The following LPIN1 variants were observed in gnomAD, a reference collection of about 807,000 sequenced individuals.
LPIN1 encodes lipin 1.
A neutral mutation model predicts 107.5 loss-of-function variants in LPIN1; 71 were observed. The observed-to-expected ratio is 0.66, with a 90% CI of 0.55 to 0.80. LPIN1 has a LOEUF of 0.80. Among genes scored for constraint, LPIN1 ranks in the 30% least tolerant of loss-of-function variants. The probability of loss-of-function intolerance (pLI) is 0.00; values close to 1 mark genes in which losing one functional copy is unlikely to be tolerated. For synonymous variants in LPIN1, 445 were observed against 452.6 expected, an observed-to-expected ratio of 0.98 and a Z score of 0.21; for missense variants, 1,043 against 1,160.6, an observed-to-expected ratio of 0.90 and a Z score of 1.47.
chr2:11,693,803 TATATATATATATATATA>T (rs1662404413), intron 1 of LPIN1, among the ~76,000 whole-genome samples: 1 of 22,894 alleles, frequency 4.4e-5, no homozygotes, highest in East Asian at 1.2e-3. Context: ...TATATATATA[TATATATATATATATATA>T]TATTTTTTTT....
rs150914255 is a variant in LPIN1 at position 11,765,264 on chromosome 2, G to C, written c.-9-269G>C. Among the ~76,000 whole-genome samples, 690 of 151,896 alleles carry C rather than the reference G, an allele frequency of 4.5e-3. 6 individuals are homozygous for C. Among genetic ancestry groups the C allele is most frequent in the African/African-American group, 0.016 (646 of 41,326 alleles). ...GCCCTGATGGACCCTGATGGACCCT[G>C]ATGGGCCGTGATGGACCCTGATGGG... On this transcript the variant is annotated intron_variant, in intron 1 of 20. Coordinates refer to ENST00000674199, the MANE Select transcript of LPIN1 (RefSeq NM_001349206.2). The surrounding 1 kb of genome is among the most constrained non-coding windows in gnomAD (Gnocchi z 4.4).
intron 1 of LPIN1, among the ~76,000 whole-genome samples, chr2:11,748,042 G>A (rs1667226849): frequency 6.6e-6 from 1 of 152,216 alleles, no homozygotes; most frequent in Admixed American, 6.5e-5. Context: ...AAAAGCACAG[G>A]GGGACAAGGG....
At chr2:11,709,329 C>T (rs779013304) in intron 1 of LPIN1, among the ~76,000 whole-genome samples, 7 of 152,190 alleles carry the variant, frequency 4.6e-5, no homozygotes, top group Non-Finnish European at 8.8e-5. Context: ...CCCTTAGAAA[C>T]CACTGAGTGT....
At chr2:11,753,099 G>A (rs540277276) in intron 1 of LPIN1, among the ~76,000 whole-genome samples, 4 of 152,058 alleles carry the variant, frequency 2.6e-5, no homozygotes, top group Non-Finnish European at 4.4e-5. Flanking sequence ...GGCAAGGAGG[G>A]GGATGAGCAG....
chr2:11,795,607 C>T (rs545044507), intron 14 of LPIN1, 120 bp downstream of exon 14: 101 of 934,638 alleles, frequency 1.1e-4, no homozygotes, highest in Non-Finnish European at 1.7e-4. Context: ...CTGTGATTCA[C>T]TTGGTGACCT....
At chr2:11,706,782 G>A (rs745754962) in intron 1 of LPIN1, among the ~76,000 whole-genome samples, 74 of 152,308 alleles carry the variant, frequency 4.9e-4, no homozygotes, top group Middle Eastern at 3.4e-3. Flanking sequence ...CTCTTGGAGC[G>A]TGGGGTGAGG....
intron 1 of LPIN1, among the ~76,000 whole-genome samples, chr2:11,760,029 C>T: frequency 6.6e-6 from 1 of 152,154 alleles, no homozygotes; most frequent in South Asian, 2.1e-4. Flanking sequence ...AGACGCTCCT[C>T]ACCTCCCAGA....
chr2:11,742,547 G>C (rs1285519868), upstream of LPIN1, among the ~76,000 whole-genome samples: 4 of 152,148 alleles, frequency 2.6e-5, no homozygotes, highest in African/African-American at 9.7e-5. Flanking sequence ...GGGTCTTTTT[G>C]TTCCTCCTGG....
Position 11,825,127 on chromosome 2 carries a change from T to G in LPIN1, c.*336T>G. The stretch of plus-strand genomic sequence containing the variant: ...ACGTGCAGTTTGGGGCTGTGAAACC[T>G]AGGCAGAAGGCGGCTGTCTGAGGGC... On this transcript the variant is annotated 3_prime_UTR_variant, in exon 21 of 21. Coordinates refer to ENST00000674199, the MANE Select transcript of LPIN1 (RefSeq NM_001349206.2). The surrounding 1 kb of genome is among the most constrained non-coding windows in gnomAD (Gnocchi z 4.1). 2.7e-6 allele frequency: 1 copy of G among 364,620 alleles called. No individual in the cohort carries two copies. The allele number at this position is 364,620 out of a possible 1,614,324, so 22.6% of individuals were successfully genotyped here. A position where few individuals can be genotyped will look rare whatever the true frequency, so the allele number is the denominator to read the frequency against.
At chr2:11,749,108 A>G (rs1253274472) in intron 1 of LPIN1, among the ~76,000 whole-genome samples, 2 of 152,168 alleles carry the variant, frequency 1.3e-5, no homozygotes, top group Non-Finnish European at 1.5e-5. Context: ...AAGCCCACTC[A>G]TTTAAAACTG....
intron 1 of LPIN1, among the ~76,000 whole-genome samples, chr2:11,734,591 T>G (rs1039625298): frequency 6.6e-6 from 1 of 152,198 alleles, no homozygotes; most frequent in African/African-American, 2.4e-5. Context: ...GTTTTGCATC[T>G]TGGAGCAAGT....
At chr2:11,703,609 T>C (rs2148517929) in intron 1 of LPIN1, among the ~76,000 whole-genome samples, 1 of 152,274 alleles carries the variant, frequency 6.6e-6, no homozygotes, top group Middle Eastern at 3.4e-3. Context: ...CGTATCAAAC[T>C]CACGGAAGTA....
intron 11 of LPIN1, among the ~76,000 whole-genome samples, 176 bp from the exon 12 acceptor site, chr2:11,788,211 G>A (rs918532159): frequency 3.3e-5 from 5 of 152,256 alleles, no homozygotes; most frequent in Non-Finnish European, 7.4e-5. Flanking sequence ...GGGGTGAGGT[G>A]GGGGGAGCCT....
chr2:11,677,577 C>T (rs1661494475), upstream of LPIN1: 1 of 1,155,654 alleles, frequency 8.7e-7, no homozygotes, highest in South Asian at 1.3e-5. Flanking sequence ...AGCTTCTGAG[C>T]CGGTGTTGCC....
chr2:11,701,723 G>A (rs1662883083), intron 1 of LPIN1, among the ~76,000 whole-genome samples: 1 of 152,194 alleles, frequency 6.6e-6, no homozygotes, highest in African/African-American at 2.4e-5. Flanking sequence ...TAAATGACTA[G>A]GTCGAGGTCA....
rs1682354377 is a variant in LPIN1 at position 11,826,261 on chromosome 2, A to G, written c.*1470A>G. Reference sequence around the variant, plus strand: ...TTACTCTTTCTGTGAAAGAAAATCCACAGAGTTGTTGCCTCCGTTGTAGTT... The same window carrying G: ...TTACTCTTTCTGTGAAAGAAAATCCGCAGAGTTGTTGCCTCCGTTGTAGTT... On this transcript the variant is annotated 3_prime_UTR_variant, in exon 21 of 21. Coordinates refer to ENST00000674199, the MANE Select transcript of LPIN1 (RefSeq NM_001349206.2). 1 of 152,630 alleles carries G rather than the reference A, an allele frequency of 6.6e-6. No homozygotes were observed. The highest frequency in any genetic ancestry group is 1.5e-5 in the Non-Finnish European group (1 of 68,048). The allele number at this position is 152,630 out of a possible 1,614,324, so 9.5% of individuals were successfully genotyped here. A position where few individuals can be genotyped will look rare whatever the true frequency, so the allele number is the denominator to read the frequency against.
At chr2:11,722,983 C>T (rs764677140), upstream of LPIN1, among the ~76,000 whole-genome samples, 2 of 152,200 alleles carry the variant, frequency 1.3e-5, no homozygotes, top group African/African-American at 2.4e-5. Context: ...ACCTACTACC[C>T]TGCCTTTGAA....
At chr2:11,723,720 G>A (rs1040985019), upstream of LPIN1, 5 of 152,084 alleles carry the variant, frequency 3.3e-5, no homozygotes, top group African/African-American at 9.7e-5. Flanking sequence ...GAAAAGTTTG[G>A]GCTCCCAGGG....
At chr2:11,823,227 G>A (rs1288963632) in intron 20 of LPIN1, 1 of 152,270 alleles carries the variant, frequency 6.6e-6, no homozygotes, top group Non-Finnish European at 1.5e-5. Flanking sequence ...AGGTCGGTCT[G>A]GGGGAGGCGC....
Sources: allele counts gnomAD v4.1 joint callset (sites outside exome capture counted in the v4.1 genomes callset), GRCh38; gene constraint gnomAD v4.1.1; non-coding constraint Gnocchi (gnomAD v3.1); transcripts MANE v1.5; gene names NCBI Gene and HGNC (gene_info 2026-07-23, HGNC 2026-07-21).